The following MOXD1 variants were observed in gnomAD, a reference collection of about 807,000 sequenced individuals.
MOXD1 encodes monooxygenase DBH like 1.
A neutral mutation model predicts 66.6 loss-of-function variants in MOXD1; 62 were observed. The observed-to-expected ratio is 0.93, with a 90% CI of 0.76 to 1.15. MOXD1 has a LOEUF of 1.15. Among genes scored for constraint, MOXD1 ranks in the 50% most tolerant of loss-of-function variants. The pLI, the probability that MOXD1 is intolerant of heterozygous loss-of-function variation, is 0.00. For missense variants in MOXD1, 847 were observed against 754.6 expected (o/e 1.12, Z -1.44); for synonymous variants, 303 against 281.9 (o/e 1.07, Z -0.75).
intron 11 of MOXD1, 65 bp downstream of exon 11, chr6:132,297,722 G>A: frequency 6.7e-7 from 1 of 1,495,714 alleles, no homozygotes; most frequent in Non-Finnish European, 8.9e-7. Flanking sequence ...TTCTCCTTAG[G>A]TTTTCCTGTA....
chr6:132,315,005 T>C (rs1195444898), intron 10 of MOXD1, among the ~76,000 whole-genome samples: 2 of 152,206 alleles, frequency 1.3e-5, no homozygotes, highest in African/African-American at 2.4e-5. Flanking sequence ...GAAACTTAAA[T>C]AGTAAACGAT....
chr6:132,356,234 T>A (rs1373121176), intron 4 of MOXD1, among the ~76,000 whole-genome samples: 1 of 152,184 alleles, frequency 6.6e-6, no homozygotes, highest in East Asian at 1.9e-4. Flanking sequence ...AATAAAAGAA[T>A]GTTTTAAAAA....
chr6:132,348,230 T>C (rs556270460), intron 4 of MOXD1, among the ~76,000 whole-genome samples: 17 of 152,368 alleles, frequency 1.1e-4, no homozygotes, highest in Non-Finnish European at 1.9e-4. Context: ...TTGGGTTTAT[T>C]TGATTGTTTG....
intron 11 of MOXD1, 109 bp downstream of exon 11, chr6:132,297,678 G>A: frequency 7.7e-7 from 1 of 1,306,586 alleles, no homozygotes; most frequent in South Asian, 1.6e-5. Flanking sequence ...GACATTAGAA[G>A]GCAACTGGAC....
At chr6:132,359,723 T>A (rs1419307077) in intron 4 of MOXD1, among the ~76,000 whole-genome samples, 1 of 151,692 alleles carries the variant, frequency 6.6e-6, no homozygotes, top group African/African-American at 2.4e-5. Flanking sequence ...CCTGACCTCA[T>A]AATCCGCCCG....
At position 132,322,729 on chromosome 6, in the gene MOXD1, A is replaced by G. The variant is rs1239194578; in HGVS notation, c.1255T>C (p.Phe419Leu). ...AGATACTGAAACTCCTGGAAATTGA[A>G]GTCAAAATCATCATCATAGGCAAGT... ...KLLAYDDDFD[F>L]NFQEFQYLKE... The change falls in exon 8 of 12, where the codon TTC (phenylalanine) becomes CTC (leucine). Residue 419 changes from phenylalanine to leucine, a missense_variant. By Grantham distance (22) the Phe-to-Leu change is conservative. Coordinates refer to ENST00000367963, the MANE Select transcript of MOXD1 (RefSeq NM_015529.4). 1 of 1,614,030 alleles carries G rather than the reference A, an allele frequency of 6.2e-7. No individual in the cohort carries two copies. The highest frequency in any genetic ancestry group is 8.5e-7 in the Non-Finnish European group (1 of 1,180,000).
chr6:132,319,142 C>T (rs913879608), intron 9 of MOXD1, among the ~76,000 whole-genome samples: 1 of 151,844 alleles, frequency 6.6e-6, no homozygotes, highest in Non-Finnish European at 1.5e-5. Flanking sequence ...ACCTTTTGCT[C>T]TTCTGTGTAA....
intron 1 of MOXD1, among the ~76,000 whole-genome samples, chr6:132,399,063 G>A (rs369229744): frequency 4.6e-5 from 7 of 151,978 alleles, no homozygotes; most frequent in African/African-American, 1.2e-4. Context: ...AATTTCGAGC[G>A]TTGGAGAATG....
chr6:132,385,851 C>T (rs1477120159), intron 1 of MOXD1, among the ~76,000 whole-genome samples: 1 of 152,002 alleles, frequency 6.6e-6, no homozygotes, highest in Non-Finnish European at 1.5e-5. Flanking sequence ...GCCTGTAAAT[C>T]CCAGCCCTCT....
chr6:132,384,958 A>G (rs1261628820), intron 1 of MOXD1, among the ~76,000 whole-genome samples: 1 of 152,196 alleles, frequency 6.6e-6, no homozygotes, highest in Non-Finnish European at 1.5e-5. Flanking sequence ...GTTGGAAGAC[A>G]CTCAGGAGCC....
At chr6:132,319,685 T>A (rs1285879898) in intron 9 of MOXD1, among the ~76,000 whole-genome samples, 1 of 151,954 alleles carries the variant, frequency 6.6e-6, no homozygotes, top group Non-Finnish European at 1.5e-5. Context: ...CAGTACAATG[T>A]TGAATACAAG....
At chr6:132,328,268 G>A in intron 5 of MOXD1, 147 bp downstream of exon 5, 1 of 1,219,860 alleles carries the variant, frequency 8.2e-7, no homozygotes, top group Non-Finnish European at 1.1e-6. Context: ...CTTAAAGAAA[G>A]AATCCCTTCC....
At chr6:132,397,628 G>GAC (rs1205687912) in intron 1 of MOXD1, among the ~76,000 whole-genome samples, 100 of 126,588 alleles carry the variant, frequency 7.9e-4, no homozygotes, top group African/African-American at 2.0e-3. Flanking sequence ...GAGAGAGAGA[G>GAC]AGAGAGACAG....
chr6:132,312,618 T>C (rs1014289784), intron 10 of MOXD1, among the ~76,000 whole-genome samples: 1 of 144,622 alleles, frequency 6.9e-6, no homozygotes, highest in African/African-American at 2.9e-5. Context: ...TTCTTTTTTC[T>C]TTTTTTTGGC....
chr6:132,307,122 G>T (rs568891240), intron 10 of MOXD1, among the ~76,000 whole-genome samples: 1 of 152,048 alleles, frequency 6.6e-6, no homozygotes, highest in African/African-American at 2.4e-5. Flanking sequence ...TTCAGGAGAC[G>T]CATCTCACGT....
Position 132,331,174 on chromosome 6 carries a change from C to G in MOXD1, c.664-2580G>C, listed in dbSNP as rs550904650. On this transcript the variant is annotated intron_variant, in intron 4 of 11. Transcript: ENST00000367963. The stretch of plus-strand genomic sequence containing the variant: ...GTTTGAGCTTCTGTCTGAGACTTGA[C>G]GTTTTTGGGTTCCTCGGTCCTCCAA... Among the ~76,000 whole-genome samples, 6 of 152,286 alleles carry G rather than the reference C, an allele frequency of 3.9e-5. No homozygotes were observed. The East Asian group carries it at 1.2e-3, about 29-fold the overall frequency.
chr6:132,362,326 G>A (rs977561405), intron 4 of MOXD1, among the ~76,000 whole-genome samples: 2 of 151,906 alleles, frequency 1.3e-5, no homozygotes, highest in Non-Finnish European at 2.9e-5. Flanking sequence ...GAATTTTAAG[G>A]GTTAAAGATC....
At chr6:132,393,424 A>G (rs1776809544) in intron 1 of MOXD1, among the ~76,000 whole-genome samples, 1 of 152,146 alleles carries the variant, frequency 6.6e-6, no homozygotes, top group South Asian at 2.1e-4. Context: ...AAGGAAGGAG[A>G]GGGAAGCAAG....
intron 4 of MOXD1, among the ~76,000 whole-genome samples, chr6:132,349,297 A>G (rs1414867617): frequency 6.7e-6 from 1 of 149,620 alleles, no homozygotes; most frequent in Non-Finnish European, 1.5e-5. Context: ...AGGTTGCTAC[A>G]AGTGCTGATA....
Sources: gnomAD v4.1 joint callset for allele counts (sites outside exome capture counted in the v4.1 genomes callset) on GRCh38, gnomAD v4.1.1 for gene constraint, MANE v1.5 for transcripts, NCBI Gene and HGNC (gene_info 2026-07-23, HGNC 2026-07-21) for gene names.